The following CLK3 variants were observed in gnomAD, a reference collection of about 807,000 sequenced individuals.
The protein encoded by CLK3 is CDC like kinase 3, also known as dual specificity protein kinase CLK3.
Under a neutral mutation model 65.2 loss-of-function variants are expected in CLK3, and 24 were observed. The observed-to-expected ratio is 0.37, with a 90% confidence interval of 0.27 to 0.52. CLK3 has a LOEUF of 0.52. Among genes scored for constraint, CLK3 ranks in the 20% least tolerant of loss-of-function variants. The pLI is 0.92. For missense variants in CLK3, 506 were observed against 660.0 expected, an observed-to-expected ratio of 0.77 and a Z score of 2.56; for synonymous variants, 252 against 240.8, an observed-to-expected ratio of 1.05 and a Z score of -0.43.
Position 74,627,447 on chromosome 15 carries a change from G to A in CLK3, c.912+1G>A. On this transcript the variant is annotated splice_donor_variant, in intron 8 of 12. Transcript: ENST00000395066. LOFTEE classifies it high-confidence loss of function. The surrounding 1 kb of genome is among the most constrained non-coding windows in gnomAD (Gnocchi z 4.3). ...TGAAACCCTCTACAATGAGCACAAG[G>A]TATTGGTGGGGGTAAGGGTGAGGCC... is the stretch of plus-strand genomic sequence containing the variant. 1 of 1,614,108 alleles carries A rather than the reference G, an allele frequency of 6.2e-7. No individual in the cohort carries two copies.
Position 74,624,889 on chromosome 15 carries a change from T to A in CLK3, c.534-13T>A. On this transcript the variant is annotated splice_polypyrimidine_tract_variant and intron_variant, in intron 5 of 12. Coordinates refer to ENST00000395066, the MANE Select transcript of CLK3 (RefSeq NM_001130028.2). The surrounding 1 kb of genome is among the most constrained non-coding windows in gnomAD (Gnocchi z 4.2). ...CTGCTGATGAGAACCTCTGTTTCCT[T>A]CCCGGGTACCAGAGGGAAGTCTCAG... 6.3e-7 allele frequency: 1 copy of A among 1,587,962 alleles called. No homozygotes were observed. Among genetic ancestry groups the A allele is most frequent in the Non-Finnish European group, 8.6e-7 (1 of 1,163,380 alleles).
chr15:74,609,290 G>A (rs890223147), intron 1 of CLK3, among the ~76,000 whole-genome samples: 1 of 152,204 alleles, frequency 6.6e-6, no homozygotes, highest in Non-Finnish European at 1.5e-5. Flanking sequence ...GCCCGCAGAG[G>A]CTTCTCTACA....
intron 1 of CLK3, among the ~76,000 whole-genome samples, chr15:74,616,502 C>T (rs951799275): frequency 3.3e-5 from 5 of 152,244 alleles, no homozygotes; most frequent in South Asian, 2.1e-4. Context: ...AGTTCAAATC[C>T]CCTGGCTGCT....
Position 74,619,273 on chromosome 15 carries a change from A to G in CLK3, c.77A>G (p.Tyr26Cys). The G allele has an allele frequency of 1.2e-6, 2 of 1,614,160 alleles. No individual in the cohort carries two copies. The highest frequency in any genetic ancestry group is 2.2e-5 in the East Asian group (1 of 44,884). Residue 26 changes from tyrosine (Y) to cysteine (C), a missense_variant, in exon 2 of 13, where the codon TAC becomes TGC. This residue lies in a region of CLK3 where 181 missense variants were observed against 159.4 expected (regional missense o/e 1.14). Coordinates refer to ENST00000395066, the MANE Select transcript of CLK3 (RefSeq NM_001130028.2). ...TACCGATGGAAGAGGAGGAGGTCCT[A>G]CAGTCGGGAACATGAAGGGAGACTG... The part of the protein sequence containing the change: ...LSYRWKRRRS[Y>C]SREHEGRLRY...
Position 74,629,732 on chromosome 15 carries a change from A to G in CLK3, c.1322A>G (p.Glu441Gly). ...AGTTACATGCTCCAAGACTCCCTGG[A>G]GCACGTGCAGCTGTTTGACCTGATG... The part of the protein sequence containing the change: ...LKSYMLQDSL[E>G]HVQLFDLMRR... Residue 441 changes from glutamate to glycine, a missense_variant, in exon 13 of 13, where the codon GAG (glutamate) becomes GGG (glycine). This residue lies in a region of CLK3 where 325 missense variants were observed against 500.5 expected (regional missense o/e 0.65). Transcript: ENST00000395066. The G allele has an allele frequency of 6.2e-7, 1 of 1,613,224 alleles. No homozygotes were observed. Among genetic ancestry groups the G allele is most frequent in the Non-Finnish European group, 8.5e-7 (1 of 1,179,612 alleles).
At chr15:74,629,131 C>G (rs1375410139) in intron 12 of CLK3, 99 bp downstream of exon 12, 1 of 917,896 alleles carries the variant, frequency 1.1e-6, no homozygotes. Flanking sequence ...TAAAGGCTGC[C>G]TCCTTGATCC....
At position 74,629,973 on chromosome 15, in the gene CLK3, G is replaced by C; in HGVS notation, c.*90G>C. ...GCCTCGACCGCCAGGCCCCAGGCCA[G>C]AGCCACCCAATGAACAGTGCAATGT... is the stretch of plus-strand genomic sequence containing the variant. On this transcript the variant is annotated 3_prime_UTR_variant, in exon 13 of 13. Coordinates refer to ENST00000395066, the MANE Select transcript of CLK3 (RefSeq NM_001130028.2). 1 of 1,311,026 alleles carries C rather than the reference G, an allele frequency of 7.6e-7. No homozygotes were observed. The highest frequency in any genetic ancestry group is 1.1e-6 in the Non-Finnish European group (1 of 950,148). The allele number at this position is 1,311,026 out of a possible 1,614,324, so 81.2% of individuals were successfully genotyped here.
intron 1 of CLK3, chr15:74,618,967 C>G (rs946491643): frequency 1.8e-5 from 9 of 488,902 alleles, no homozygotes; most frequent in African/African-American, 1.7e-4. Context: ...GCTAGTGATG[C>G]TCTGCTGGGA....
At chr15:74,625,760 C>T (rs1205922226) in intron 6 of CLK3, 42 bp from the exon 7 acceptor site, 1 of 1,610,580 alleles carries the variant, frequency 6.2e-7, no homozygotes, top group Admixed American at 1.7e-5. Context: ...TGAGGCAGGC[C>T]CCCAGCACAC....
chr15:74,628,854 C>T, intron 11 of CLK3, 88 bp from the exon 12 acceptor site: 1 of 1,083,612 alleles, frequency 9.2e-7, no homozygotes, highest in South Asian at 1.4e-5. Context: ...GGTTCTGCTG[C>T]TGTCTTGGGA....
At chr15:74,618,313 T>C (rs2141538470) in intron 1 of CLK3, among the ~76,000 whole-genome samples, 2 of 152,226 alleles carry the variant, frequency 1.3e-5, no homozygotes, top group South Asian at 4.2e-4. Flanking sequence ...TTTCATTTGG[T>C]GGATATAAGT....
At chr15:74,615,987 C>T (rs2062055497) in intron 1 of CLK3, 89 bp downstream of exon 1, 2 of 968,638 alleles carry the variant, frequency 2.1e-6, no homozygotes, top group Non-Finnish European at 2.7e-6. Context: ...GCCATTCGGT[C>T]TCGGCCTACT....
chr15:74,615,633 G>GCGGGC, upstream of CLK3: 1 of 1,252,452 alleles, frequency 8.0e-7, no homozygotes, highest in Non-Finnish European at 1.0e-6. Context: ...ACGGCGGGAG[G>GCGGGC]CGGGCCGGGC....
Position 74,629,167 on chromosome 15 carries a change from A to ACTG in CLK3, c.1296+139_1296+141dup, listed in dbSNP as rs1258975802. The ACTG allele has an allele frequency of 4.0e-6, 3 of 754,940 alleles. No individual in the cohort carries two copies. The African/African-American group carries it at 5.1e-5, about 13-fold the overall frequency. 46.8% of individuals were successfully genotyped at this position (754,940 alleles called of 1,614,324 possible). On this transcript the variant is annotated intron_variant, in intron 12 of 12. Transcript: ENST00000395066. ...AGCTCTATGGGAGGCGGCACCCAAG[A>ACTG]CTGCTGGGTGCTGGCAATGGGGCTT...
At position 74,627,238 on chromosome 15, in the gene CLK3, TG is replaced by T; in HGVS notation, c.818-109del. Reference sequence around the variant, plus strand: ...GCTGTAGTCCAGCTCCCTGCTGAGGTGGGGGTGTGAGGACCTCTGGCAGTTG... The same window carrying T: ...GCTGTAGTCCAGCTCCCTGCTGAGGTGGGGTGTGAGGACCTCTGGCAGTTG... On this transcript the variant is annotated intron_variant, in intron 7 of 12. Transcript: ENST00000395066. The surrounding 1 kb of genome is among the most constrained non-coding windows in gnomAD (Gnocchi z 4.3). 1.2e-6 allele frequency: 1 copy of T among 813,096 alleles called. No individual in the cohort carries two copies. The allele number at this position is 813,096 out of a possible 1,614,324, so 50.4% of individuals were successfully genotyped here.
intron 1 of CLK3, among the ~76,000 whole-genome samples, chr15:74,617,947 C>T (rs1386425050): frequency 1.3e-5 from 2 of 152,150 alleles, no homozygotes; most frequent in African/African-American, 2.4e-5. Flanking sequence ...CCCAGGTACA[C>T]GGGGGAAGAC....
chr15:74,628,621 G>A lies in CLK3; in HGVS notation c.1143G>A (p.Glu381=), dbSNP rs1470207480. ...TTCCACAGACCCACGAAAACCGAGA[G>A]CACCTGGTGATGATGGAGAAGATCC... ...FTLFQTHENR[E]HLVMMEKILG... Residue 381 remains glutamate, a synonymous_variant, in exon 11 of 13, where the codon GAG becomes GAA. Coordinates refer to ENST00000395066, the MANE Select transcript of CLK3 (RefSeq NM_001130028.2). The A allele has an allele frequency of 6.2e-7, 1 of 1,613,520 alleles. No individual in the cohort carries two copies. The highest frequency in any genetic ancestry group is 1.3e-5 in the African/African-American group (1 of 74,878).
At position 74,625,139 on chromosome 15, in the gene CLK3, G is replaced by A. The variant is rs796771606; in HGVS notation, c.650+121G>A. 1.1e-5 allele frequency: 8 copies of A among 720,208 alleles called. No individual in the cohort carries two copies. In the African/African-American group the frequency reaches 1.4e-4, roughly 12 times the overall value. The allele number at this position is 720,208 out of a possible 1,614,324, so 44.6% of individuals were successfully genotyped here. A position where few individuals can be genotyped will look rare whatever the true frequency, so the allele number is the denominator to read the frequency against. On this transcript the variant is annotated intron_variant, in intron 6 of 12. Coordinates refer to ENST00000395066, the MANE Select transcript of CLK3 (RefSeq NM_001130028.2). The stretch of plus-strand genomic sequence containing the variant: ...TCTCCCCACACTCAGAACCAGGGGA[G>A]TGTGGCAAAGGTCTTGCTGGAAGCC...
At position 74,624,993 on chromosome 15, in the gene CLK3, AAGG is replaced by A; in HGVS notation, c.628_630del (p.Glu210del). 2.5e-6 allele frequency: 4 copies of A among 1,613,840 alleles called. No individual in the cohort carries two copies. The highest frequency in any genetic ancestry group is 1.3e-5 in the African/African-American group (1 of 75,032). On this transcript the variant is annotated inframe_deletion, in exon 6 of 13. Coordinates refer to ENST00000395066, the MANE Select transcript of CLK3 (RefSeq NM_001130028.2). This position sits in a 1 kb window ranked among gnomAD's most constrained non-coding sequence, Gnocchi z 4.2. ...AGAAATCAACGTGCTCAAAAAAATC[AAGG>A]AGAAGGACAAAGAAAACAAGTTGTG...
Sources: gnomAD v4.1 joint callset for allele counts (sites outside exome capture counted in the v4.1 genomes callset) on GRCh38, gnomAD v4.1.1 for gene constraint, gnomAD v4.1.1 regional missense constraint, Gnocchi (gnomAD v3.1) non-coding constraint, MANE v1.5 for transcripts, NCBI Gene and HGNC (gene_info 2026-07-23, HGNC 2026-07-21) for gene names.